Variants in THRAP3 observed in about 807,000 individuals in gnomAD.
THRAP3 encodes the protein thyroid hormone receptor-associated protein 3.
THRAP3 carries 16 observed loss-of-function variants against 101.0 expected under a neutral mutation model. The observed-to-expected ratio is 0.16, with a 90% CI of 0.11 to 0.24. THRAP3 has a LOEUF of 0.24. Ranked by LOEUF, THRAP3 falls within the 10% of genes least tolerant of loss-of-function variation. The pLI, the probability that THRAP3 is intolerant of heterozygous loss-of-function variation, is 1.00. For synonymous variants in THRAP3, 407 were observed against 422.6 expected (o/e 0.96, Z 0.45); for missense variants, 989 against 1,202.7 (o/e 0.82, Z 2.63).
chr1:36,282,473 A>G, intron 2 of THRAP3, 60 bp from the exon 3 acceptor site: 1 of 1,251,038 alleles, frequency 8.0e-7, no homozygotes. Flanking sequence ...AAAATGTCCA[A>G]AGAGGTTCAC....
At chr1:36,245,324 A>G (rs981788195) in intron 1 of THRAP3, among the ~76,000 whole-genome samples, 1 of 150,708 alleles carries the variant, frequency 6.6e-6, no homozygotes, top group African/African-American at 2.4e-5. Context: ...GCGCCATCAC[A>G]CCCGGCTAAT....
At chr1:36,224,169 G>A (rs994095253), upstream of THRAP3, among the ~76,000 whole-genome samples, 12 of 152,100 alleles carry the variant, frequency 7.9e-5, no homozygotes, top group Non-Finnish European at 1.5e-4. Context: ...CGTCAGCAAC[G>A]CCCCCGCCCC....
chr1:36,234,782 TCTC>T lies in THRAP3; in HGVS notation c.-135+10278_-135+10280del, dbSNP rs544311903. On this transcript the variant is annotated intron_variant, in intron 1 of 11. Coordinates refer to ENST00000354618, the MANE Select transcript of THRAP3 (RefSeq NM_005119.4). The stretch of plus-strand genomic sequence containing the variant: ...ATTGTGTAGAACCTAGCTTGCCTCT[TCTC>T]TTCCTTTATTTCTGTTTCAGTCTTT... Among the ~76,000 whole-genome samples, 33 of 151,818 alleles carry T rather than the reference TCTC, an allele frequency of 2.2e-4. 1 individual carries two copies. In the South Asian group the frequency reaches 6.6e-3, roughly 31 times the overall value.
chr1:36,288,155 A>G, intron 4 of THRAP3: 1 of 966,888 alleles, frequency 1.0e-6, no homozygotes, highest in Non-Finnish European at 1.2e-6. Flanking sequence ...TATTTTATTT[A>G]TTTATTTATT....
At chr1:36,274,357 A>G (rs1312992537) in intron 2 of THRAP3, among the ~76,000 whole-genome samples, 3 of 152,194 alleles carry the variant, frequency 2.0e-5, no homozygotes, top group South Asian at 2.1e-4. Flanking sequence ...AAATTGATCT[A>G]CAGATTCAGC....
intron 2 of THRAP3, among the ~76,000 whole-genome samples, chr1:36,264,147 C>T (rs1171660591): frequency 6.6e-6 from 1 of 152,170 alleles, no homozygotes; most frequent in East Asian, 1.9e-4. Context: ...GCAAGCTCTG[C>T]CTCCCAGGTT....
chr1:36,292,563 C>G, intron 6 of THRAP3, 35 bp from the exon 7 acceptor site: 1 of 1,549,578 alleles, frequency 6.5e-7, no homozygotes, highest in Non-Finnish European at 8.9e-7. Flanking sequence ...AGCCACCATG[C>G]CTGGCCCATA....
chr1:36,282,926 T>C (rs1051890904), intron 3 of THRAP3, among the ~76,000 whole-genome samples: 15 of 152,228 alleles, frequency 9.9e-5, no homozygotes, highest in Admixed American at 2.6e-4. Context: ...CAGCACATAG[T>C]ATTTCCCACC....
At chr1:36,214,046 GAAA>G in the THRAP3 span, among the ~76,000 whole-genome samples, 1,053 of 130,920 alleles carry the variant, frequency 8.0e-3, 8 homozygotes, top group Non-Finnish European at 0.013. Flanking sequence ...AAGAAAGAAA[GAAA>G]GAAAGAAAGA....
rs1311677773 is a variant in THRAP3, at chr1:36,234,753, A to G, written c.-135+10248A>G. On this transcript the variant is annotated intron_variant, in intron 1 of 11. Coordinates refer to ENST00000354618, the MANE Select transcript of THRAP3 (RefSeq NM_005119.4). ...GGGTTAATGGTGAATGCTTTGTCTT[A>G]TTCATTGTGTAGAACCTAGCTTGCC... 4.1e-4 allele frequency among the ~76,000 whole-genome samples: 59 copies of G among 142,384 alleles called. 1 individual carries two copies. The highest frequency in any genetic ancestry group is 6.1e-5 in the Non-Finnish European group (4 of 65,490). The allele number at this position is 142,384 out of a possible 152,430, so 93.4% of individuals were successfully genotyped here.
rs79259057 is a variant in THRAP3 at position 36,239,605 on chromosome 1, T to C, written c.-135+15100T>C. 5.8e-4 allele frequency among the ~76,000 whole-genome samples: 89 copies of C among 152,314 alleles called. 3 individuals carry two copies. In the East Asian group the frequency reaches 0.015, roughly 26 times the overall value. ...CATTTCATCATCCCTGTAAGGCCTT[T>C]GTTTCCCTGGTTCTGGGTAGGTTAA... On this transcript the variant is annotated intron_variant, in intron 1 of 11. Coordinates refer to ENST00000354618, the MANE Select transcript of THRAP3 (RefSeq NM_005119.4).
the THRAP3 span, among the ~76,000 whole-genome samples, chr1:36,211,561 C>T: frequency 6.6e-6 from 1 of 152,026 alleles, no homozygotes; most frequent in Admixed American, 6.6e-5. Context: ...AAAAAGCAAA[C>T]ATCCTGAGAT....
chr1:36,283,339 A>G (rs562528802), intron 3 of THRAP3, among the ~76,000 whole-genome samples: 15 of 152,202 alleles, frequency 9.9e-5, no homozygotes, highest in Non-Finnish European at 2.2e-4. Context: ...GGATTTCCCT[A>G]TTTTAATTAT....
At chr1:36,230,242 C>T (rs747611304) in intron 1 of THRAP3, among the ~76,000 whole-genome samples, 1 of 151,936 alleles carries the variant, frequency 6.6e-6, no homozygotes, top group African/African-American at 2.4e-5. Context: ...CCTCAGCCTC[C>T]CGAGTAGCTG....
chr1:36,237,232 C>G (rs1324062620), intron 1 of THRAP3, among the ~76,000 whole-genome samples: 2 of 152,162 alleles, frequency 1.3e-5, no homozygotes, highest in African/African-American at 4.8e-5. Flanking sequence ...CTTCAGGAGG[C>G]TGAGGCAGGT....
chr1:36,236,701 G>A (rs967272020), intron 1 of THRAP3, among the ~76,000 whole-genome samples: 1 of 152,090 alleles, frequency 6.6e-6, no homozygotes, highest in Admixed American at 6.6e-5. Context: ...AATTTCCTTT[G>A]TCATTTATGT....
intron 1 of THRAP3, among the ~76,000 whole-genome samples, chr1:36,241,075 C>T (rs1157531073): frequency 6.6e-6 from 1 of 150,618 alleles, no homozygotes; most frequent in African/African-American, 2.4e-5. Context: ...GGCGTGGTGG[C>T]AGGTGCCTGT....
the THRAP3 span, among the ~76,000 whole-genome samples, chr1:36,210,803 A>G: frequency 2.3e-4 from 32 of 140,056 alleles, no homozygotes; most frequent in Non-Finnish European, 1.5e-4. Flanking sequence ...TCCCAAATTT[A>G]TCTGTGCACT....
At chr1:36,220,972 A>ATAT (rs1553189233), upstream of THRAP3, among the ~76,000 whole-genome samples, 62 of 94,102 alleles carry the variant, frequency 6.6e-4, no homozygotes, top group East Asian at 1.9e-3. Flanking sequence ...AAAAAAAAAA[A>ATAT]ATATATATAT....
Sources: allele counts gnomAD v4.1 joint callset (sites outside exome capture counted in the v4.1 genomes callset), GRCh38; gene constraint gnomAD v4.1.1; transcripts MANE v1.5; gene names NCBI Gene and HGNC (gene_info 2026-07-23, HGNC 2026-07-21).